NAALADL2: variants seen among roughly 807,000 people sequenced by gnomAD.
NAALADL2 encodes N-acetylated alpha-linked acidic dipeptidase like 2.
A neutral mutation model predicts 87.2 loss-of-function variants in NAALADL2; 76 were observed. The observed-to-expected ratio is 0.87, with a 90% CI of 0.72 to 1.05. The LOEUF is 1.05. Ranked by LOEUF, NAALADL2 falls within the 50% of genes least tolerant of loss-of-function variation. NAALADL2 has a pLI of 0.00. For missense variants in NAALADL2, 1,089 were observed against 945.8 expected (o/e 1.15, Z -1.99); for synonymous variants, 354 against 331.0 (o/e 1.07, Z -0.75).
chr3:175,394,370 A>G (rs1055493652), intron 5 of NAALADL2, among the ~76,000 whole-genome samples: 3 of 152,228 alleles, frequency 2.0e-5, no homozygotes, highest in African/African-American at 7.2e-5. Context: ...GAGGACTTCT[A>G]CTTTAGGCGA....
intron 2 of NAALADL2, among the ~76,000 whole-genome samples, chr3:175,127,670 C>CTTAAAT (rs10649836): frequency 0.59 from 89,340 of 151,534 alleles, 26,614 homozygotes; most frequent in African/African-American, 0.68. Flanking sequence ...GCTGACTATA[C>CTTAAAT]TTAATAATTT....
At chr3:174,444,046 A>G (rs1714864316) in intron 1 of NAALADL2, among the ~76,000 whole-genome samples, 1 of 152,168 alleles carries the variant, frequency 6.6e-6, no homozygotes. Context: ...CGTTAGTTGT[A>G]GGACCAGATG....
At chr3:174,823,704 A>G (rs1450253241) in intron 3 of NAALADL2, among the ~76,000 whole-genome samples, 1 of 152,124 alleles carries the variant, frequency 6.6e-6, no homozygotes, top group Non-Finnish European at 1.5e-5. Context: ...TTTTTGCAAT[A>G]TTAGTTTGGA....
intron 2 of NAALADL2, among the ~76,000 whole-genome samples, chr3:174,687,508 T>C (rs192458668): frequency 4.5e-4 from 69 of 152,230 alleles, no homozygotes; most frequent in Admixed American, 3.7e-3. Flanking sequence ...AAAATGTATC[T>C]AACTAATAAA....
chr3:174,611,620 C>G (rs540528420), intron 2 of NAALADL2, among the ~76,000 whole-genome samples: 1 of 152,104 alleles, frequency 6.6e-6, no homozygotes, highest in Non-Finnish European at 1.5e-5. Flanking sequence ...GAGACGGAGT[C>G]TTGCTCCATC....
chr3:174,984,383 C>T (rs1745535551), intron 1 of NAALADL2, among the ~76,000 whole-genome samples: 1 of 151,950 alleles, frequency 6.6e-6, no homozygotes, highest in African/African-American at 2.4e-5. Flanking sequence ...GCTAGTCTAC[C>T]ACATTTGGAC....
chr3:175,663,372 C>T (rs1487345273), intron 11 of NAALADL2, among the ~76,000 whole-genome samples: 1 of 151,536 alleles, frequency 6.6e-6, no homozygotes, highest in Non-Finnish European at 1.5e-5. Flanking sequence ...TCTGACAAGC[C>T]TTTTTATTTC....
intron 3 of NAALADL2, among the ~76,000 whole-genome samples, chr3:174,781,146 C>T (rs545224668): frequency 6.6e-6 from 1 of 152,150 alleles, no homozygotes; most frequent in African/African-American, 2.4e-5. Context: ...GCAGAGAGAT[C>T]CGCTGTTAGT....
At position 175,146,141 on chromosome 3, in the gene NAALADL2, T is replaced by G. The variant is rs138644581; in HGVS notation, c.545+48850T>G. On this transcript the variant is annotated intron_variant, in intron 2 of 13. Coordinates refer to ENST00000454872, the MANE Select transcript of NAALADL2 (RefSeq NM_207015.3). ...AGCTGAAGTCTCCCTATTGGCCTATTATTGTAAATTTTCTTGAATTTTAAA... is the reference window on the plus strand; with the variant it reads ...AGCTGAAGTCTCCCTATTGGCCTATGATTGTAAATTTTCTTGAATTTTAAA... Among the ~76,000 whole-genome samples, 92 of 152,264 alleles carry G rather than the reference T, an allele frequency of 6.0e-4. 1 individual carries two copies. The East Asian group carries it at 0.017, about 28-fold the overall frequency.
chr3:175,095,248 A>T (rs1324011540), intron 1 of NAALADL2, among the ~76,000 whole-genome samples: 3 of 151,952 alleles, frequency 2.0e-5, no homozygotes, highest in Non-Finnish European at 4.4e-5. Flanking sequence ...ACTTTTTTGT[A>T]TAATTATTTC....
intron 1 of NAALADL2, among the ~76,000 whole-genome samples, chr3:175,011,485 A>G (rs776508190): frequency 2.6e-5 from 4 of 152,194 alleles, no homozygotes; most frequent in Non-Finnish European, 5.9e-5. Flanking sequence ...GCAAAAGAGA[A>G]TAGTAAAGCC....
At chr3:175,635,490 T>C (rs1336005381) in intron 11 of NAALADL2, among the ~76,000 whole-genome samples, 1 of 152,192 alleles carries the variant, frequency 6.6e-6, no homozygotes, top group East Asian at 1.9e-4. Context: ...ATTACATGCA[T>C]AAATCAGAAT....
intron 7 of NAALADL2, among the ~76,000 whole-genome samples, chr3:175,465,988 A>G (rs1258693936): frequency 2.0e-5 from 3 of 152,208 alleles, no homozygotes; most frequent in Non-Finnish European, 4.4e-5. Context: ...GAACAACTAA[A>G]TGGAGATGTA....
intron 2 of NAALADL2, among the ~76,000 whole-genome samples, chr3:174,723,570 A>C (rs940561415): frequency 2.0e-5 from 3 of 152,028 alleles, no homozygotes; most frequent in Non-Finnish European, 2.9e-5. Context: ...CCTGGCTAAC[A>C]TGGTGAAACC....
chr3:175,593,145 T>A (rs1721761006), intron 10 of NAALADL2, among the ~76,000 whole-genome samples: 1 of 152,104 alleles, frequency 6.6e-6, no homozygotes, highest in Admixed American at 6.6e-5. Context: ...TAGCTCTTTA[T>A]CCTGATGCTC....
intron 1 of NAALADL2, among the ~76,000 whole-genome samples, chr3:174,945,003 C>G (rs1363951155): frequency 6.6e-6 from 1 of 152,144 alleles, no homozygotes; most frequent in Non-Finnish European, 1.5e-5. Context: ...TTCAGTTCTT[C>G]TGGGTGAGAG....
At chr3:175,338,567 A>G (rs1762233506) in intron 5 of NAALADL2, among the ~76,000 whole-genome samples, 1 of 145,450 alleles carries the variant, frequency 6.9e-6, no homozygotes, top group South Asian at 2.3e-4. Context: ...ATTTAGGAGC[A>G]GCAGAGAATT....
chr3:174,458,140 G>T (rs1246372977), intron 1 of NAALADL2, among the ~76,000 whole-genome samples: 1 of 152,108 alleles, frequency 6.6e-6, no homozygotes, highest in African/African-American at 2.4e-5. Context: ...GAACTTAAAA[G>T]TGAAAAATGA....
intron 2 of NAALADL2, among the ~76,000 whole-genome samples, chr3:174,557,462 G>T (rs538995631): frequency 6.6e-6 from 1 of 151,878 alleles, no homozygotes; most frequent in African/African-American, 2.4e-5. Flanking sequence ...AATATTTGAG[G>T]TATCTTTTTA....
Sources: gnomAD v4.1 joint callset for allele counts (sites outside exome capture counted in the v4.1 genomes callset) on GRCh38, gnomAD v4.1.1 for gene constraint, MANE v1.5 for transcripts, NCBI Gene and HGNC (gene_info 2026-07-23, HGNC 2026-07-21) for gene names.